The following ZFX variants were observed in gnomAD, a reference collection of about 807,000 sequenced individuals.
ZFX encodes zinc finger protein X-linked.
For synonymous variants in ZFX, 196 were observed against 226.8 expected, an observed-to-expected ratio of 0.86 and a Z score of 1.22; for missense variants, 362 against 628.3, an observed-to-expected ratio of 0.58 and a Z score of 4.53.
chrX:24,215,261 A>ATCTC lies in ZFX; in HGVS notation c.*3886_*3889dup, dbSNP rs1468542825. The ATCTC allele has an allele frequency of 8.9e-6, 1 of 111,766 alleles. No individual in the cohort carries two copies. Among genetic ancestry groups the ATCTC allele is most frequent in the Non-Finnish European group, 1.9e-5 (1 of 53,210 alleles). The allele number at this position is 111,766 out of a possible 1,213,427, so 9.2% of individuals were successfully genotyped here. A position where few individuals can be genotyped will look rare whatever the true frequency, so the allele number is the denominator to read the frequency against. ...GCTGCTGTATTTGTATTCTCTGGGA[A>ATCTC]TCTCAGTATTAATAATTTCATTTCC... On this transcript the variant is annotated 3_prime_UTR_variant, in exon 10 of 10. Transcript: ENST00000304543.
chrX:24,157,355 G>C (rs767308753), intron 3 of ZFX, among the ~76,000 whole-genome samples: 66 of 111,788 alleles, frequency 5.9e-4, no homozygotes, highest in African/African-American at 2.1e-3. Context: ...ATATTTCATA[G>C]ATTCTGAGGT....
rs2520334 is a variant in ZFX, at chrX:24,154,798, T to G, written c.-29+1968T>G. The stretch of plus-strand genomic sequence containing the variant: ...AAAAATAGTTATTTTAAAATAAATA[T>G]GCAGCCATAAAAAAGAACGAGGTCG... On this transcript the variant is annotated intron_variant, in intron 3 of 9. Coordinates refer to ENST00000304543, the MANE Select transcript of ZFX (RefSeq NM_003410.4). 3.6e-5 allele frequency among the ~76,000 whole-genome samples: 4 copies of G among 110,784 alleles called. No individual in the cohort carries two copies. The South Asian group carries it at 1.5e-3, about 42-fold the overall frequency.
intron 5 of ZFX, among the ~76,000 whole-genome samples, chrX:24,195,174 T>C (rs1276138737): frequency 1.8e-5 from 2 of 111,761 alleles, no homozygotes; most frequent in Non-Finnish European, 3.8e-5. Flanking sequence ...GGTACTTATC[T>C]ATATGATTGT....
rs1938091481 is a variant in ZFX, at chrX:24,211,675, T to C, written c.*299T>C. ...TTAGAATTTTATATTTATTTAAATA[T>C]TTACCTTGCTTACCTTGATGGTACT... On this transcript the variant is annotated 3_prime_UTR_variant, in exon 10 of 10. Transcript: ENST00000304543. 4.2e-6 allele frequency: 1 copy of C among 238,988 alleles called. No individual in the cohort carries two copies. The highest frequency in any genetic ancestry group is 7.4e-6 in the Non-Finnish European group (1 of 135,190). The allele number at this position is 238,988 out of a possible 1,213,427, so 19.7% of individuals were successfully genotyped here. A position where few individuals can be genotyped will look rare whatever the true frequency, so the allele number is the denominator to read the frequency against.
chrX:24,211,690 T>C lies in ZFX; in HGVS notation c.*314T>C. The C allele has an allele frequency of 4.6e-6, 1 of 216,077 alleles. No homozygotes were observed. Among genetic ancestry groups the C allele is most frequent in the Non-Finnish European group, 8.3e-6 (1 of 120,695 alleles). 17.8% of individuals were successfully genotyped at this position (216,077 alleles called of 1,213,427 possible). A position where few individuals can be genotyped will look rare whatever the true frequency, so the allele number is the denominator to read the frequency against. ...TATTTAAATATTTACCTTGCTTACC[T>C]TGATGGTACTCTTCTAAGACCATTA... On this transcript the variant is annotated 3_prime_UTR_variant, in exon 10 of 10. Transcript: ENST00000304543.
At chrX:24,186,222 A>G (rs2704831) in intron 5 of ZFX, among the ~76,000 whole-genome samples, 49,535 of 109,929 alleles carry the variant, frequency 0.45, 8,142 homozygotes, top group South Asian at 0.79. Flanking sequence ...TTCTTTAAAA[A>G]TTTCAGTAAG....
intron 1 of ZFX, chrX:24,150,713 T>C (rs1931994948): frequency 1.8e-5 from 2 of 113,358 alleles, no homozygotes; most frequent in African/African-American, 3.2e-5. Flanking sequence ...GGAAATGTTA[T>C]TTTTGCTTAA....
Position 24,179,567 on chromosome X carries a change from GACATGTTGGACATGTTGA to G in ZFX, c.450_467del (p.Gly151_Val156del). ...CATGTGTCTGACGTTGGACATGTTG[GACATGTTGGACATGTTGA>G]ACATGTGGTTCATGATAGTGTAGTG... On this transcript the variant is annotated inframe_deletion, in exon 5 of 10. Coordinates refer to ENST00000304543, the MANE Select transcript of ZFX (RefSeq NM_003410.4). 4 of 1,211,855 alleles carry G rather than the reference GACATGTTGGACATGTTGA, an allele frequency of 3.3e-6. No homozygotes were observed. The highest frequency in any genetic ancestry group is 4.5e-6 in the Non-Finnish European group (4 of 895,591).
At chrX:24,195,487 G>A (rs1936855183) in intron 5 of ZFX, among the ~76,000 whole-genome samples, 1 of 110,965 alleles carries the variant, frequency 9.0e-6, no homozygotes, top group South Asian at 3.9e-4. Context: ...TGACTAGTTG[G>A]GACTACAGAT....
chrX:24,172,086 T>TA (rs1280711765), intron 3 of ZFX, among the ~76,000 whole-genome samples: 1 of 111,945 alleles, frequency 8.9e-6, no homozygotes, highest in Non-Finnish European at 1.9e-5. Flanking sequence ...AGAATATAAA[T>TA]ACACTATGGG....
At chrX:24,160,877 T>C (rs1933229712) in intron 3 of ZFX, among the ~76,000 whole-genome samples, 1 of 112,055 alleles carries the variant, frequency 8.9e-6, no homozygotes, top group African/African-American at 3.2e-5. Context: ...ACTATGATTT[T>C]TGACATGAAT....
intron 5 of ZFX, among the ~76,000 whole-genome samples, chrX:24,188,628 A>G (rs1256828459): frequency 9.0e-6 from 1 of 111,366 alleles, no homozygotes; most frequent in East Asian, 2.8e-4. Context: ...GCTCTTGAAC[A>G]TAGACGCCTG....
rs1344373190 is a variant in ZFX, at chrX:24,215,694, G to A, written c.*4318G>A. 1 of 110,970 alleles carries A rather than the reference G, an allele frequency of 9.0e-6. No individual in the cohort carries two copies. 9.1% of individuals were successfully genotyped at this position (110,970 alleles called of 1,213,427 possible). ...CTTCCATTTGCTGTTTTAAAAGTGT[G>A]AGCCTGCCAAGTCAACAAGTATGCC... On this transcript the variant is annotated 3_prime_UTR_variant, in exon 10 of 10. Coordinates refer to ENST00000304543, the MANE Select transcript of ZFX (RefSeq NM_003410.4).
intron 7 of ZFX, 145 bp downstream of exon 7, chrX:24,208,000 T>C (rs1358127772): frequency 5.5e-6 from 5 of 909,335 alleles, no homozygotes; most frequent in Non-Finnish European, 7.6e-6. Context: ...TATATATGCT[T>C]ATGATGTTGC....
chrX:24,188,351 A>G (rs930797643), intron 5 of ZFX, among the ~76,000 whole-genome samples: 3 of 110,592 alleles, frequency 2.7e-5, no homozygotes, highest in Middle Eastern at 4.7e-3. Context: ...CATTTTTTTC[A>G]TAAGTATTTC....
At chrX:24,185,047 G>A (rs1000124900) in intron 5 of ZFX, among the ~76,000 whole-genome samples, 3 of 112,119 alleles carry the variant, frequency 2.7e-5, no homozygotes, top group African/African-American at 6.5e-5. Context: ...TGCCTCCTGC[G>A]CTCAAGCAAT....
In ZFX at chrX:24,163,220, GGT is replaced by G. The variant is rs57212971; in HGVS notation, c.-28-9476_-28-9475del. ...GTACCCATACTGTGCCAAGGTCTGTGGTGTGTGTGTGTGTGTGTGTACATGTA... is the reference window on the plus strand; with the variant it reads ...GTACCCATACTGTGCCAAGGTCTGTGGTGTGTGTGTGTGTGTGTACATGTA... On this transcript the variant is annotated intron_variant, in intron 3 of 9. Transcript: ENST00000304543. Among the ~76,000 whole-genome samples the G allele has an allele frequency of 9.2e-3, 792 of 86,378 alleles. 10 individuals carry two copies. Among genetic ancestry groups the G allele is most frequent in the African/African-American group, 0.032 (733 of 22,747 alleles). 75.0% of individuals were successfully genotyped at this position (86,378 alleles called of 115,157 possible). A position where few individuals can be genotyped will look rare whatever the true frequency, so the allele number is the denominator to read the frequency against.
chrX:24,180,303 C>T (rs1043376767), intron 5 of ZFX, among the ~76,000 whole-genome samples: 3 of 110,500 alleles, frequency 2.7e-5, no homozygotes, highest in Non-Finnish European at 3.8e-5. Context: ...CTGTTACCAG[C>T]CTTTATTAGA....
intron 5 of ZFX, among the ~76,000 whole-genome samples, chrX:24,193,680 T>A (rs1244589880): frequency 8.9e-6 from 1 of 112,234 alleles, no homozygotes; most frequent in Non-Finnish European, 1.9e-5. Flanking sequence ...TTTTCCTCTT[T>A]AAGCAATTAC....
Sources: allele counts gnomAD v4.1 joint callset (sites outside exome capture counted in the v4.1 genomes callset), GRCh38; gene constraint gnomAD v4.1.1; transcripts MANE v1.5; gene names NCBI Gene and HGNC (gene_info 2026-07-23, HGNC 2026-07-21).